MDFIC2: variants seen among roughly 807,000 people sequenced by gnomAD.
MDFIC2 encodes MyoD family inhibitor domain containing 2, also known as myoD family inhibitor domain-containing protein 2.
intron 2 of MDFIC2, among the ~76,000 whole-genome samples, chr3:70,251,792 T>A (rs147892615): frequency 1.4e-4 from 22 of 152,336 alleles, no homozygotes; most frequent in African/African-American, 5.1e-4. Flanking sequence ...CACCTGCAGC[T>A]TTGAGTCAAA....
At chr3:70,295,740 T>G (rs1473495435) in intron 2 of MDFIC2, among the ~76,000 whole-genome samples, 3 of 152,182 alleles carry the variant, frequency 2.0e-5, no homozygotes, top group Non-Finnish European at 2.9e-5. Flanking sequence ...GCAAATATTT[T>G]AAAGTGCTGT....
At position 70,237,979 on chromosome 3, in the gene MDFIC2, C is replaced by CTTTTTTTTTTTTTTTTTTTT; in HGVS notation, c.89-31209_89-31190dup. On this transcript the variant is annotated intron_variant, in intron 2 of 3. Coordinates refer to ENST00000567252, the MANE Select transcript of MDFIC2 (RefSeq NM_001364677.1). ...GGAAAAGAAACTAATTGAGTGGTAT[C>CTTTTTTTTTTTTTTTTTTTT]TTTTTTTTTTTTTTTTTTTTTTTTT... Among the ~76,000 whole-genome samples, 189 of 48,942 alleles carry CTTTTTTTTTTTTTTTTTTTT rather than the reference C, an allele frequency of 3.9e-3. 63 individuals are homozygous for CTTTTTTTTTTTTTTTTTTTT. Among genetic ancestry groups the CTTTTTTTTTTTTTTTTTTTT allele is most frequent in the South Asian group, 5.6e-3 (4 of 710 alleles). The allele number at this position is 48,942 out of a possible 152,430, so 32.1% of individuals were successfully genotyped here. A position where few individuals can be genotyped will look rare whatever the true frequency, so the allele number is the denominator to read the frequency against.
chr3:70,279,153 C>A (rs1299086529), intron 2 of MDFIC2, among the ~76,000 whole-genome samples: 1 of 150,812 alleles, frequency 6.6e-6, no homozygotes, highest in Non-Finnish European at 1.5e-5. Flanking sequence ...ATCATGACAA[C>A]AATAAGTGCC....
At chr3:70,268,443 C>T (rs758311141) in intron 2 of MDFIC2, among the ~76,000 whole-genome samples, 8 of 140,340 alleles carry the variant, frequency 5.7e-5, no homozygotes, top group Non-Finnish European at 1.0e-4. Flanking sequence ...TCACTGCACT[C>T]CAGCCTGGGC....
intron 3 of MDFIC2, among the ~76,000 whole-genome samples, chr3:70,202,010 A>G (rs1347090074): frequency 6.6e-6 from 1 of 152,112 alleles, no homozygotes; most frequent in African/African-American, 2.4e-5. Flanking sequence ...CTGAATGTAT[A>G]TCCCTCTGTG....
chr3:70,288,829 G>C lies in MDFIC2; in HGVS notation c.88+23057C>G, dbSNP rs376219265. Among the ~76,000 whole-genome samples, 148 of 151,314 alleles carry C rather than the reference G, an allele frequency of 9.8e-4. 1 individual carries two copies. The highest frequency in any genetic ancestry group is 3.2e-3 in the African/African-American group (130 of 41,166). ...CATTATGTAATGGCCTTCTTTGTCT[G>C]TTTTGATCTTTGTTGGTTTAAAGTC... On this transcript the variant is annotated intron_variant, in intron 2 of 3. Transcript: ENST00000567252.
intron 2 of MDFIC2, among the ~76,000 whole-genome samples, chr3:70,227,448 A>G (rs1431125199): frequency 1.3e-5 from 2 of 152,172 alleles, no homozygotes; most frequent in Admixed American, 6.5e-5. Context: ...TGGCAGGAAA[A>G]ACAGACCACT....
intron 3 of MDFIC2, among the ~76,000 whole-genome samples, chr3:70,203,501 A>G (rs1361665229): frequency 6.6e-6 from 1 of 152,180 alleles, no homozygotes; most frequent in Admixed American, 6.5e-5. Flanking sequence ...CTAACACTCA[A>G]GTCAGTTCTT....
intron 2 of MDFIC2, among the ~76,000 whole-genome samples, chr3:70,244,439 T>C (rs903483059): frequency 2.0e-5 from 3 of 152,188 alleles, no homozygotes; most frequent in Non-Finnish European, 4.4e-5. Flanking sequence ...TAAAATAACA[T>C]GTAAAGGAAC....
intron 2 of MDFIC2, among the ~76,000 whole-genome samples, chr3:70,296,280 C>G (rs1199132144): frequency 6.6e-6 from 1 of 152,026 alleles, no homozygotes; most frequent in Non-Finnish European, 1.5e-5. Flanking sequence ...AATTTAAATC[C>G]TATGTTTTGT....
At chr3:70,247,778 C>G (rs1299888395) in intron 2 of MDFIC2, among the ~76,000 whole-genome samples, 1 of 151,060 alleles carries the variant, frequency 6.6e-6, no homozygotes, top group African/African-American at 2.4e-5. Flanking sequence ...GAGACAGAGC[C>G]TAAAGGAAGA....
chr3:70,234,209 C>G (rs1184682025), intron 2 of MDFIC2, among the ~76,000 whole-genome samples: 1 of 152,158 alleles, frequency 6.6e-6, no homozygotes, highest in Non-Finnish European at 1.5e-5. Flanking sequence ...TTCAAGTATT[C>G]TAGACACTTA....
At chr3:70,301,873 A>G (rs1702351704) in intron 2 of MDFIC2, among the ~76,000 whole-genome samples, 1 of 152,146 alleles carries the variant, frequency 6.6e-6, no homozygotes, top group African/African-American at 2.4e-5. Flanking sequence ...TTCTAAATAC[A>G]AAAAATGAAA....
intron 2 of MDFIC2, among the ~76,000 whole-genome samples, chr3:70,242,754 C>T (rs1484731953): frequency 6.6e-6 from 1 of 152,122 alleles, no homozygotes; most frequent in Non-Finnish European, 1.5e-5. Context: ...TGTGCATGTA[C>T]ATTTCCTGGA....
intron 2 of MDFIC2, among the ~76,000 whole-genome samples, chr3:70,264,344 C>G (rs1185196268): frequency 6.6e-6 from 1 of 152,160 alleles, no homozygotes; most frequent in Non-Finnish European, 1.5e-5. Context: ...ATTTAGAAAT[C>G]TGCTCTTGTT....
At position 70,279,589 on chromosome 3, in the gene MDFIC2, C is replaced by T. The variant is rs55691252; in HGVS notation, c.88+32297G>A. Among the ~76,000 whole-genome samples the T allele has an allele frequency of 4.2e-3, 635 of 152,254 alleles. 1 individual carries two copies. Among genetic ancestry groups the T allele is most frequent in the Non-Finnish European group, 5.8e-3 (393 of 68,028 alleles). ...ACTCTTGATGAGCTCCCAGTCCAGA[C>T]GGAATCTGGGTTGAAGGCTCAGATT... On this transcript the variant is annotated intron_variant, in intron 2 of 3. Transcript: ENST00000567252.
At chr3:70,277,577 G>T (rs1401422611) in intron 2 of MDFIC2, among the ~76,000 whole-genome samples, 2 of 152,134 alleles carry the variant, frequency 1.3e-5, no homozygotes, top group South Asian at 2.1e-4. Context: ...TGGAAAATTG[G>T]CCTAATGCAA....
intron 2 of MDFIC2, among the ~76,000 whole-genome samples, chr3:70,300,198 T>C (rs1702334029): frequency 6.6e-6 from 1 of 152,134 alleles, no homozygotes; most frequent in Admixed American, 6.6e-5. Context: ...TCAGGGGCTA[T>C]TGTACCTCAA....
chr3:70,236,412 A>G (rs1701609506), intron 2 of MDFIC2, among the ~76,000 whole-genome samples: 1 of 152,184 alleles, frequency 6.6e-6, no homozygotes, highest in East Asian at 1.9e-4. Context: ...TGGCCTCTAA[A>G]GAGTTCTACC....
Sources: allele counts gnomAD v4.1 joint callset (sites outside exome capture counted in the v4.1 genomes callset), GRCh38; gene constraint gnomAD v4.1.1; transcripts MANE v1.5; gene names NCBI Gene and HGNC (gene_info 2026-07-23, HGNC 2026-07-21).